Variants in PBX1 observed in about 807,000 individuals in gnomAD.
PBX1 encodes PBX homeobox 1.
In PBX1, 6 loss-of-function variants were observed where a neutral mutation model predicts 53.4. The observed-to-expected ratio is 0.11, with a 90% CI of 0.06 to 0.22. The LOEUF (loss-of-function observed/expected upper bound fraction) is 0.22. Ranked by LOEUF, PBX1 falls within the 10% of genes least tolerant of loss-of-function variation. The pLI is 1.00. For missense variants in PBX1, 251 were observed against 551.4 expected (o/e 0.46, Z 5.46); for synonymous variants, 204 against 212.3 (o/e 0.96, Z 0.34).
At chr1:164,804,025 G>A (rs930471564) in intron 4 of PBX1, among the ~76,000 whole-genome samples, 8 of 151,892 alleles carry the variant, frequency 5.3e-5, no homozygotes, top group Non-Finnish European at 4.4e-5. Context: ...ACTGTTATAT[G>A]ATATATTATT....
chr1:164,718,415 G>C (rs947744373), intron 2 of PBX1, among the ~76,000 whole-genome samples: 2 of 152,180 alleles, frequency 1.3e-5, no homozygotes, highest in African/African-American at 4.8e-5. Flanking sequence ...TGAGTGGTCA[G>C]GGTGGGGTGA....
At chr1:164,590,714 C>T (rs751182688) in intron 2 of PBX1, among the ~76,000 whole-genome samples, 17 of 151,932 alleles carry the variant, frequency 1.1e-4, no homozygotes, top group Non-Finnish European at 2.4e-4. Context: ...GTAAACAGGG[C>T]ATTGATCTAA....
At chr1:164,574,633 C>T (rs931766106) in intron 2 of PBX1, among the ~76,000 whole-genome samples, 1 of 152,150 alleles carries the variant, frequency 6.6e-6, no homozygotes, top group Non-Finnish European at 1.5e-5. Flanking sequence ...TACCCTCCAT[C>T]AATCAAGTTG....
chr1:164,675,306 A>G (rs574070440), intron 2 of PBX1, among the ~76,000 whole-genome samples: 1 of 152,200 alleles, frequency 6.6e-6, no homozygotes, highest in Non-Finnish European at 1.5e-5. Context: ...AGAGAATAGG[A>G]CATGTCTTTC....
chr1:164,689,835 G>T (rs1662356204), intron 2 of PBX1, among the ~76,000 whole-genome samples: 1 of 151,566 alleles, frequency 6.6e-6, no homozygotes, highest in Admixed American at 6.6e-5. Flanking sequence ...CCCGTGCCCT[G>T]CTCCCTACAC....
chr1:164,678,839 T>C (rs978380192), intron 2 of PBX1, among the ~76,000 whole-genome samples: 3 of 152,138 alleles, frequency 2.0e-5, no homozygotes, highest in East Asian at 3.8e-4. Flanking sequence ...CTTTTTTTTT[T>C]TCTCTTAGGG....
intron 2 of PBX1, among the ~76,000 whole-genome samples, chr1:164,650,112 A>G (rs929922858): frequency 6.6e-6 from 1 of 152,154 alleles, no homozygotes; most frequent in African/African-American, 2.4e-5. Context: ...TACAGATCCC[A>G]TCCCCGGGCC....
intron 8 of PBX1, among the ~76,000 whole-genome samples, chr1:164,832,409 C>T (rs1670813501): frequency 6.6e-6 from 1 of 152,134 alleles, no homozygotes; most frequent in Non-Finnish European, 1.5e-5. Flanking sequence ...CTACCCTACA[C>T]CTTTATTGTG....
intron 2 of PBX1, among the ~76,000 whole-genome samples, chr1:164,640,807 C>T (rs1331397395): frequency 1.3e-5 from 2 of 152,120 alleles, no homozygotes; most frequent in African/African-American, 2.4e-5. Context: ...ATCCGCCTGT[C>T]TTGGCCTCCC....
Position 164,877,700 on chromosome 1 carries a change from A to ATGCTCAACTTCATTGCTC in PBX1, n.258-21488_258-21487insTGCTCAACTTCATTGCTC, listed in dbSNP as rs749150208. Among the ~76,000 whole-genome samples, 107 of 152,326 alleles carry ATGCTCAACTTCATTGCTC rather than the reference A, an allele frequency of 7.0e-4. 1 individual carries two copies. The highest frequency in any genetic ancestry group is 1.0e-3 in the Admixed American group (16 of 15,310). ...GTAGTTCAAGTGTTTATTCATTATT[A>ATGCTCAACTTCATTGCTC]AACATATTATGCTCAACTTCATTGA... On this transcript the variant is annotated intron_variant and non_coding_transcript_variant, in intron 2 of 2. Transcript: ENST00000558796.
Position 164,849,369 on chromosome 1 carries a change from C to T in PBX1, c.*2693C>T. ...TCCCCCGGCACCCCCGGCAAGCCCA[C>T]TATCACTTCCGACTTCCAACGTGGC... On this transcript the variant is annotated 3_prime_UTR_variant, in exon 9 of 9. Transcript: ENST00000420696. 6.5e-7 allele frequency: 1 copy of T among 1,535,756 alleles called. No homozygotes were observed. The highest frequency in any genetic ancestry group is 8.7e-7 in the Non-Finnish European group (1 of 1,146,816).
chr1:164,617,134 A>G lies in PBX1; in HGVS notation c.265+53823A>G, dbSNP rs192504779. Among the ~76,000 whole-genome samples the G allele has an allele frequency of 9.2e-5, 14 of 152,296 alleles. 1 individual carries two copies. The highest frequency in any genetic ancestry group is 2.1e-4 in the South Asian group (1 of 4,826). The stretch of plus-strand genomic sequence containing the variant: ...CATGTGCTGGTGCCTTTAAATTTTT[A>G]TCCCCCCTAGAGATTATAACTAAGA... On this transcript the variant is annotated intron_variant, in intron 2 of 8. Coordinates refer to ENST00000420696, the MANE Select transcript of PBX1 (RefSeq NM_002585.4).
At chr1:164,803,000 A>G (rs1669159009) in intron 4 of PBX1, among the ~76,000 whole-genome samples, 3 of 152,326 alleles carry the variant, frequency 2.0e-5, no homozygotes, top group Admixed American at 6.5e-5. Context: ...AATTAAAAGT[A>G]CGTCTGTATA....
At chr1:164,618,945 C>T (rs1312100945) in intron 2 of PBX1, among the ~76,000 whole-genome samples, 1 of 152,204 alleles carries the variant, frequency 6.6e-6, no homozygotes, top group East Asian at 1.9e-4. Flanking sequence ...ACATAAGGCA[C>T]TTACCTTTTA....
chr1:164,824,625 G>A (rs967406241), intron 8 of PBX1, among the ~76,000 whole-genome samples: 1 of 152,084 alleles, frequency 6.6e-6, no homozygotes, highest in African/African-American at 2.4e-5. Flanking sequence ...ATGGAAAGGT[G>A]TGCTTTTGAG....
At chr1:164,691,890 A>T (rs1403689846) in intron 2 of PBX1, among the ~76,000 whole-genome samples, 1 of 152,198 alleles carries the variant, frequency 6.6e-6, no homozygotes, top group Non-Finnish European at 1.5e-5. Flanking sequence ...GTGACTACAC[A>T]GTCAAAGCAT....
chr1:164,814,663 C>T (rs1669792795), intron 6 of PBX1: 1 of 152,266 alleles, frequency 6.6e-6, no homozygotes. Flanking sequence ...TCCCTTGAAC[C>T]TGGGAGGTGC....
chr1:164,786,103 A>G (rs1446528870), intron 2 of PBX1, among the ~76,000 whole-genome samples: 1 of 152,148 alleles, frequency 6.6e-6, no homozygotes, highest in East Asian at 1.9e-4. Flanking sequence ...GGGGAAAGAG[A>G]GCACATACAG....
At chr1:164,675,667 T>C (rs1267672426) in intron 2 of PBX1, among the ~76,000 whole-genome samples, 4 of 152,102 alleles carry the variant, frequency 2.6e-5, no homozygotes, top group Admixed American at 6.5e-5. Flanking sequence ...ACAAGATCCT[T>C]TTACCAGGTA....
Sources: gnomAD v4.1 joint callset for allele counts (sites outside exome capture counted in the v4.1 genomes callset) on GRCh38, gnomAD v4.1.1 for gene constraint, MANE v1.5 for transcripts, NCBI Gene and HGNC (gene_info 2026-07-23, HGNC 2026-07-21) for gene names.